ACMSD: variants seen among roughly 807,000 people sequenced by gnomAD.
ACMSD encodes the protein aminocarboxymuconate semialdehyde decarboxylase, also known as 2-amino-3-carboxymuconate-6-semialdehyde decarboxylase.
In ACMSD, 37 loss-of-function variants were observed where a neutral mutation model predicts 45.9. The ratio of observed to expected loss-of-function variants is 0.81; its 90% CI spans 0.62 to 1.06. ACMSD has a LOEUF of 1.06. Ranked by LOEUF, ACMSD falls within the 50% of genes least tolerant of loss-of-function variation. The pLI, the probability that ACMSD is intolerant of heterozygous loss-of-function variation, is 0.00. For missense variants in ACMSD, 434 were observed against 420.9 expected, an observed-to-expected ratio of 1.03 and a Z score of -0.27; for synonymous variants, 138 against 148.8, an observed-to-expected ratio of 0.93 and a Z score of 0.53.
chr2:134,850,954 GC>G (rs1345078431), intron 2 of ACMSD, among the ~76,000 whole-genome samples: 1 of 152,034 alleles, frequency 6.6e-6, no homozygotes, highest in Non-Finnish European at 1.5e-5. Flanking sequence ...CTCCCTCCTG[GC>G]CCCCTCTGGT....
intron 5 of ACMSD, among the ~76,000 whole-genome samples, chr2:134,864,568 G>T (rs151231339): frequency 2.0e-3 from 304 of 152,126 alleles, no homozygotes; most frequent in Non-Finnish European, 3.3e-3. Flanking sequence ...AATAACTGCA[G>T]AATATTCCAA....
chr2:134,852,501 G>A (rs2104832001), intron 2 of ACMSD, among the ~76,000 whole-genome samples: 1 of 152,300 alleles, frequency 6.6e-6, no homozygotes, highest in South Asian at 2.1e-4. Flanking sequence ...GGCCTATCAG[G>A]CAGAGGGAAG....
chr2:134,895,460 G>A (rs1690085322), intron 8 of ACMSD, among the ~76,000 whole-genome samples: 1 of 150,668 alleles, frequency 6.6e-6, no homozygotes, highest in Non-Finnish European at 1.5e-5. Context: ...GTTGCTAACT[G>A]GCAATACCCC....
At chr2:134,869,854 T>C (rs1441311098) in intron 6 of ACMSD, among the ~76,000 whole-genome samples, 1 of 152,178 alleles carries the variant, frequency 6.6e-6, no homozygotes, top group Non-Finnish European at 1.5e-5. Flanking sequence ...CTGACTGCTA[T>C]ATGGAGAATG....
At chr2:134,894,174 C>T (rs988601362) in intron 8 of ACMSD, among the ~76,000 whole-genome samples, 1 of 151,706 alleles carries the variant, frequency 6.6e-6, no homozygotes, top group African/African-American at 2.4e-5. Flanking sequence ...TCAGTGAAAC[C>T]AAAATTTGGT....
chr2:134,876,424 G>A (rs554708400), intron 8 of ACMSD, among the ~76,000 whole-genome samples: 102 of 152,120 alleles, frequency 6.7e-4, no homozygotes, highest in African/African-American at 2.2e-3. Context: ...ATATTAAAGA[G>A]AATTTTTTTT....
At chr2:134,886,246 A>ATTTTTTTTTTTTTTTTTTT (rs756206850) in intron 8 of ACMSD, among the ~76,000 whole-genome samples, 2 of 115,476 alleles carry the variant, frequency 1.7e-5, no homozygotes, top group Non-Finnish European at 3.5e-5. Flanking sequence ...TATTATTATT[A>ATTTTTTTTTTTTTTTTTTT]TTTTTTTTTT....
intron 5 of ACMSD, among the ~76,000 whole-genome samples, chr2:134,864,034 C>A (rs1362309796): frequency 1.3e-5 from 2 of 151,812 alleles, no homozygotes; most frequent in Non-Finnish European, 2.9e-5. Flanking sequence ...TTCGGGAGGC[C>A]CAGGTGGGCG....
intron 1 of ACMSD, 152 bp from the exon 2 acceptor site, chr2:134,845,081 T>C (rs1360457038): frequency 8.6e-6 from 6 of 693,908 alleles, no homozygotes; most frequent in East Asian, 5.4e-5. Context: ...GTGAATTTAA[T>C]TGTAAATACT....
chr2:134,848,645 G>GT (rs1321893238), intron 2 of ACMSD, among the ~76,000 whole-genome samples: 2 of 151,838 alleles, frequency 1.3e-5, no homozygotes, highest in Non-Finnish European at 2.9e-5. Context: ...TTGTAAATTT[G>GT]TTTAAGTTCC....
At chr2:134,845,120 A>G in intron 1 of ACMSD, 113 bp from the exon 2 acceptor site, 2 of 1,025,020 alleles carry the variant, frequency 2.0e-6, no homozygotes, top group Non-Finnish European at 3.1e-6. Context: ...TATGGGGGAA[A>G]TGGGAAGGCA....
At chr2:134,840,590 C>T (rs533344995) in intron 1 of ACMSD, among the ~76,000 whole-genome samples, 8 of 152,132 alleles carry the variant, frequency 5.3e-5, no homozygotes, top group Admixed American at 2.0e-4. Flanking sequence ...CCTTCTGCCA[C>T]GTGAGGGCAC....
At chr2:134,851,739 G>C (rs1687355911) in intron 2 of ACMSD, among the ~76,000 whole-genome samples, 1 of 152,122 alleles carries the variant, frequency 6.6e-6, no homozygotes, top group South Asian at 2.1e-4. Context: ...CACCATGCCT[G>C]GCCACAATCC....
At chr2:134,900,844 G>A (rs1382949486) in intron 9 of ACMSD, among the ~76,000 whole-genome samples, 7 of 152,122 alleles carry the variant, frequency 4.6e-5, no homozygotes, top group African/African-American at 1.2e-4. Context: ...GTATGGATGC[G>A]ATCCCAAATC....
At chr2:134,882,931 G>A (rs944855143) in intron 8 of ACMSD, among the ~76,000 whole-genome samples, 12 of 152,176 alleles carry the variant, frequency 7.9e-5, no homozygotes, top group African/African-American at 2.9e-4. Flanking sequence ...ATTATTATCA[G>A]CTCAGTAAGT....
intron 2 of ACMSD, 34 bp from the exon 3 acceptor site, chr2:134,859,227 G>A (rs1573639384): frequency 6.3e-7 from 1 of 1,580,134 alleles, no homozygotes; most frequent in East Asian, 2.2e-5. Context: ...GTGGTCTTAG[G>A]TTGCATTTTA....
At chr2:134,851,281 G>A (rs1436981283) in intron 2 of ACMSD, among the ~76,000 whole-genome samples, 1 of 152,210 alleles carries the variant, frequency 6.6e-6, no homozygotes, top group Non-Finnish European at 1.5e-5. Flanking sequence ...ACAGGTGCAT[G>A]TGTCTTTTTG....
At chr2:134,880,959 T>G (rs1052989014) in intron 8 of ACMSD, among the ~76,000 whole-genome samples, 1 of 152,212 alleles carries the variant, frequency 6.6e-6, no homozygotes, top group Non-Finnish European at 1.5e-5. Context: ...CAAGTTAGAC[T>G]TTCCGCCACC....
chr2:134,893,980 T>C (rs1689946235), intron 8 of ACMSD, among the ~76,000 whole-genome samples: 1 of 152,082 alleles, frequency 6.6e-6, no homozygotes. Context: ...TAGTACTTAG[T>C]GAAAAATTTA....
Sources: gnomAD v4.1 joint callset for allele counts (sites outside exome capture counted in the v4.1 genomes callset) on GRCh38, gnomAD v4.1.1 for gene constraint, MANE v1.5 for transcripts, NCBI Gene and HGNC (gene_info 2026-07-23, HGNC 2026-07-21) for gene names.